Variants in ZNF385D observed in about 807,000 individuals in gnomAD.
ZNF385D encodes the protein zinc finger protein 385D, also known as zinc finger protein 659.
Under a neutral mutation model 35.8 loss-of-function variants are expected in ZNF385D, and 15 were observed. The observed-to-expected ratio is 0.42, with a 90% confidence interval of 0.28 to 0.64. ZNF385D has a LOEUF of 0.64. ZNF385D is among the 30% of genes least tolerant of loss of function. The probability of loss-of-function intolerance (pLI) is 0.23; values close to 1 mark genes in which losing one functional copy is unlikely to be tolerated. For synonymous variants in ZNF385D, 212 were observed against 186.8 expected (o/e 1.13, Z -1.10); for missense variants, 474 against 494.6 (o/e 0.96, Z 0.39).
chr3:21,879,006 T>G (rs908371945), intron 3 of ZNF385D, among the ~76,000 whole-genome samples: 4 of 152,008 alleles, frequency 2.6e-5, no homozygotes, highest in Non-Finnish European at 5.9e-5. Context: ...CTGCCAACAG[T>G]AGTTCTCTTG....
rs1259789078 is a variant in ZNF385D, at chr3:22,352,313, A to C, written c.106+20137T>G. ...CTTATGAACATGTTCAATTACCTAC[A>C]ACATGAGGTGAGTTCACCAAGGCAT... On this transcript the variant is annotated intron_variant, in intron 2 of 5. Transcript: ENST00000494108. 3.3e-5 allele frequency among the ~76,000 whole-genome samples: 5 copies of C among 152,210 alleles called. No individual in the cohort carries two copies. In the East Asian group the frequency reaches 7.7e-4, roughly 23 times the overall value.
At chr3:21,787,401 T>A (rs2071734909) in intron 3 of ZNF385D, among the ~76,000 whole-genome samples, 1 of 152,140 alleles carries the variant, frequency 6.6e-6, no homozygotes, top group South Asian at 2.1e-4. Context: ...CAAAAATAGA[T>A]GTATTTAGTT....
intron 2 of ZNF385D, among the ~76,000 whole-genome samples, chr3:22,250,266 T>C (rs537448245): frequency 6.6e-6 from 1 of 152,272 alleles, no homozygotes; most frequent in South Asian, 2.1e-4. Flanking sequence ...GTATTCTATC[T>C]TTTTAAATAT....
At chr3:22,337,055 C>G (rs1695203103) in intron 2 of ZNF385D, among the ~76,000 whole-genome samples, 1 of 150,926 alleles carries the variant, frequency 6.6e-6, no homozygotes, top group African/African-American at 2.4e-5. Flanking sequence ...TACCTGCTGT[C>G]AAAGAGTAGA....
At chr3:22,132,253 C>A (rs1160363717) in intron 3 of ZNF385D, among the ~76,000 whole-genome samples, 1 of 151,988 alleles carries the variant, frequency 6.6e-6, no homozygotes, top group Non-Finnish European at 1.5e-5. Context: ...GGAAACAGAC[C>A]TTTTGCACCT....
intron 2 of ZNF385D, among the ~76,000 whole-genome samples, chr3:21,629,081 G>A (rs527658145): frequency 4.7e-4 from 72 of 152,038 alleles, no homozygotes; most frequent in African/African-American, 1.7e-3. Context: ...AAAATGCAGA[G>A]GATCAGGCCT....
intron 2 of ZNF385D, among the ~76,000 whole-genome samples, chr3:21,609,706 A>G (rs2064608445): frequency 1.3e-5 from 2 of 152,186 alleles, no homozygotes; most frequent in South Asian, 4.1e-4. Context: ...AATGGGGCCA[A>G]TAATACTTAT....
At chr3:22,123,989 T>TATATATGTA (rs1377343508) in intron 3 of ZNF385D, among the ~76,000 whole-genome samples, 2 of 142,074 alleles carry the variant, frequency 1.4e-5, no homozygotes, top group Non-Finnish European at 3.1e-5. Flanking sequence ...TATATATATA[T>TATATATGTA]TGCTGACTGA....
At chr3:21,816,620 C>T (rs905998116) in intron 3 of ZNF385D, among the ~76,000 whole-genome samples, 3 of 152,230 alleles carry the variant, frequency 2.0e-5, no homozygotes, top group South Asian at 2.1e-4. Flanking sequence ...AGGAATCCAA[C>T]TTACAAGGGA....
intron 3 of ZNF385D, among the ~76,000 whole-genome samples, chr3:21,983,068 T>C (rs1056556289): frequency 1.3e-5 from 2 of 151,896 alleles, no homozygotes; most frequent in African/African-American, 2.4e-5. Context: ...TGTTGTGTCT[T>C]TGCCAGGTTT....
intron 3 of ZNF385D, among the ~76,000 whole-genome samples, chr3:21,800,471 G>C (rs1180789073): frequency 6.6e-6 from 1 of 152,018 alleles, no homozygotes; most frequent in Non-Finnish European, 1.5e-5. Context: ...ACATCTAGTA[G>C]GTTAATTTTT....
intron 4 of ZNF385D, among the ~76,000 whole-genome samples, chr3:21,493,563 A>G (rs1705590151): frequency 1.3e-5 from 2 of 152,074 alleles, no homozygotes; most frequent in South Asian, 4.1e-4. Flanking sequence ...CTGATCTAAA[A>G]TGTCTTAGTA....
intron 3 of ZNF385D, among the ~76,000 whole-genome samples, chr3:21,785,791 T>C (rs908638199): frequency 1.3e-5 from 2 of 152,196 alleles, no homozygotes; most frequent in African/African-American, 4.8e-5. Context: ...TGAAGGTAAA[T>C]AGGACACTTT....
intron 1 of ZNF385D, among the ~76,000 whole-genome samples, chr3:21,742,445 G>C (rs1339981171): frequency 6.6e-6 from 1 of 152,196 alleles, no homozygotes; most frequent in African/African-American, 2.4e-5. Context: ...TCTCTCTGCA[G>C]GTCTTTGGCC....
Position 22,273,685 on chromosome 3 carries a change from C to T in ZNF385D, c.106+98765G>A, listed in dbSNP as rs994275865. On this transcript the variant is annotated intron_variant, in intron 2 of 5. Transcript: ENST00000494108. The stretch of plus-strand genomic sequence containing the variant: ...TAAAGAATGTATTTCAGTGAGAGAA[C>T]GAGACAGATGTTACAACTGGTTTAA... 5.9e-5 allele frequency among the ~76,000 whole-genome samples: 9 copies of T among 152,002 alleles called. No homozygotes were observed. In the South Asian group the frequency reaches 1.5e-3, roughly 25 times the overall value.
intron 3 of ZNF385D, among the ~76,000 whole-genome samples, chr3:21,935,537 G>C (rs1701216867): frequency 6.6e-6 from 1 of 152,080 alleles, no homozygotes; most frequent in Non-Finnish European, 1.5e-5. Context: ...TTTCAATCCT[G>C]CCTTCCTAGA....
At chr3:21,805,847 T>C (rs952139161) in intron 3 of ZNF385D, among the ~76,000 whole-genome samples, 6 of 152,188 alleles carry the variant, frequency 3.9e-5, no homozygotes, top group African/African-American at 9.6e-5. Context: ...TGGGATCTCA[T>C]AGAAAATGAA....
chr3:22,222,470 G>A (rs1268748240), intron 2 of ZNF385D, among the ~76,000 whole-genome samples: 1 of 152,124 alleles, frequency 6.6e-6, no homozygotes, highest in Non-Finnish European at 1.5e-5. Context: ...CAAAGGAAAT[G>A]GTCATTTCTT....
chr3:21,424,016 T>C lies in ZNF385D; in HGVS notation c.901A>G (p.Lys301Glu). ...TTGTTGTAAGGACTGTATTTAGGTT[T>C]CGGGGGCTTCCCAGCAGCTCTGTCT... ...HKDRAAGKPP[K>E]PKYSPYNKLQ... Residue 301 changes from lysine to glutamate, a missense_variant, in exon 7 of 8, where the codon AAA becomes GAA. Coordinates refer to ENST00000281523, the MANE Select transcript of ZNF385D (RefSeq NM_024697.3). 6.2e-7 allele frequency: 1 copy of C among 1,605,118 alleles called. No individual in the cohort carries two copies. Among genetic ancestry groups the C allele is most frequent in the Non-Finnish European group, 8.5e-7 (1 of 1,177,222 alleles).
Sources: allele counts gnomAD v4.1 joint callset (sites outside exome capture counted in the v4.1 genomes callset), GRCh38; gene constraint gnomAD v4.1.1; transcripts MANE v1.5; gene names NCBI Gene and HGNC (gene_info 2026-07-23, HGNC 2026-07-21).